RBFOX1: variants seen among roughly 807,000 people sequenced by gnomAD.
RBFOX1 encodes RNA binding protein fox-1 homolog 1.
A neutral mutation model predicts 57.7 loss-of-function variants in RBFOX1; 8 were observed. The observed-to-expected ratio is 0.14, with a 90% CI of 0.08 to 0.25. The LOEUF (loss-of-function observed/expected upper bound fraction) is 0.25, where lower values mean the gene tolerates loss of function less well. RBFOX1 is among the 10% of genes least tolerant of loss of function. The pLI, the probability that RBFOX1 is intolerant of heterozygous loss-of-function variation, is 1.00. For synonymous variants in RBFOX1, 326 were observed against 222.4 expected (o/e 1.47, Z -4.15); for missense variants, 611 against 548.5 (o/e 1.11, Z -1.14).
At chr16:6,690,311 G>A (rs2060021803) in intron 3 of RBFOX1, among the ~76,000 whole-genome samples, 1 of 152,074 alleles carries the variant, frequency 6.6e-6, no homozygotes, top group Non-Finnish European at 1.5e-5. Context: ...GTTTTTAAGT[G>A]TGCTTAGAGT....
chr16:5,430,994 A>G (rs1272024860), intron 1 of RBFOX1, among the ~76,000 whole-genome samples: 2 of 152,198 alleles, frequency 1.3e-5, no homozygotes, highest in African/African-American at 4.8e-5. Context: ...ATCTACTGCT[A>G]ATGGATATTG....
intron 1 of RBFOX1, among the ~76,000 whole-genome samples, chr16:6,027,845 G>A (rs564444462): frequency 2.0e-4 from 30 of 152,318 alleles, no homozygotes; most frequent in African/African-American, 5.5e-4. Context: ...AGAACCCAGC[G>A]TAGCTGCAAA....
At chr16:5,820,925 C>T (rs1469020544) in intron 3 of RBFOX1, among the ~76,000 whole-genome samples, 6 of 152,144 alleles carry the variant, frequency 3.9e-5, no homozygotes, top group South Asian at 4.1e-4. Context: ...CAATGCCACA[C>T]GTTTAAGGGG....
intron 1 of RBFOX1, among the ~76,000 whole-genome samples, chr16:6,136,176 G>A (rs1171352352): frequency 6.6e-6 from 1 of 152,110 alleles, no homozygotes; most frequent in African/African-American, 2.4e-5. Flanking sequence ...ATTAGAGGAA[G>A]TCTTCTGAAA....
intron 3 of RBFOX1, among the ~76,000 whole-genome samples, chr16:6,669,748 G>T (rs2098752623): frequency 6.6e-6 from 1 of 152,080 alleles, no homozygotes; most frequent in African/African-American, 2.4e-5. Flanking sequence ...TGCTTTGGAG[G>T]ACAGAACCTT....
intron 4 of RBFOX1, among the ~76,000 whole-genome samples, chr16:7,354,334 G>C (rs1424415087): frequency 6.6e-6 from 1 of 152,128 alleles, no homozygotes. Context: ...AAAATATGTT[G>C]AAAACAAAGC....
At chr16:7,135,045 TAAAAC>T (rs972410149) in intron 4 of RBFOX1, among the ~76,000 whole-genome samples, 2 of 151,906 alleles carry the variant, frequency 1.3e-5, no homozygotes, top group African/African-American at 2.4e-5. Flanking sequence ...AAAAATAAAA[TAAAAC>T]AAAATAAAGA....
intron 1 of RBFOX1, among the ~76,000 whole-genome samples, chr16:5,311,299 G>C (rs1041992424): frequency 1.3e-5 from 2 of 152,022 alleles, no homozygotes; most frequent in Admixed American, 6.5e-5. Context: ...TTTTCACTCA[G>C]TGGTCAATGG....
chr16:7,684,420 C>A (rs2075606985), intron 14 of RBFOX1, among the ~76,000 whole-genome samples: 1 of 151,930 alleles, frequency 6.6e-6, no homozygotes. Context: ...TTTTTCCAAG[C>A]TAATTATTGA....
Position 6,019,703 on chromosome 16 carries a change from A to G in RBFOX1, c.-416A>G, listed in dbSNP as rs2095029999. 1.5e-6 allele frequency: 2 copies of G among 1,345,430 alleles called. No individual in the cohort carries two copies. Among genetic ancestry groups the G allele is most frequent in the Non-Finnish European group, 1.9e-6 (2 of 1,048,344 alleles). 83.3% of individuals were successfully genotyped at this position (1,345,430 alleles called of 1,614,324 possible). A position where few individuals can be genotyped will look rare whatever the true frequency, so the allele number is the denominator to read the frequency against. ...AGAACTCCGAGCTTCTTGCCCAGGC[A>G]GAGAGAGCAGGAGCGGACCGCGCGC... On this transcript the variant is annotated 5_prime_UTR_variant, in exon 1 of 16. Coordinates refer to ENST00000550418, the MANE Select transcript of RBFOX1 (RefSeq NM_018723.4). The surrounding 1 kb of genome is among the most constrained non-coding windows in gnomAD (Gnocchi z 4.2).
chr16:7,690,896 A>G (rs1389124240), intron 14 of RBFOX1, among the ~76,000 whole-genome samples: 1 of 152,136 alleles, frequency 6.6e-6, no homozygotes, highest in Non-Finnish European at 1.5e-5. Flanking sequence ...GAACTGTACC[A>G]GAATTCTTCT....
At position 6,533,562 on chromosome 16, in the gene RBFOX1, T is replaced by C. The variant is rs531207629; in HGVS notation, c.-63-121041T>C. ...CTAGCCCCTTAAGACCCAAGACATA[T>C]GGTAACATACAGAGTCAAGTGATTT... On this transcript the variant is annotated intron_variant, in intron 2 of 15. Coordinates refer to ENST00000550418, the MANE Select transcript of RBFOX1 (RefSeq NM_018723.4). Among the ~76,000 whole-genome samples, 5 of 152,032 alleles carry C rather than the reference T, an allele frequency of 3.3e-5. No individual in the cohort carries two copies. The East Asian group carries it at 5.8e-4, about 18-fold the overall frequency.
chr16:5,836,493 T>C (rs1359674924), intron 3 of RBFOX1, among the ~76,000 whole-genome samples: 1 of 152,182 alleles, frequency 6.6e-6, no homozygotes, highest in Non-Finnish European at 1.5e-5. Flanking sequence ...ACCCACCTTC[T>C]TCTTTAGGAG....
intron 2 of RBFOX1, among the ~76,000 whole-genome samples, chr16:6,653,788 G>A (rs1484898118): frequency 1.3e-5 from 2 of 151,762 alleles, no homozygotes; most frequent in Non-Finnish European, 2.9e-5. Context: ...ATAGGTGGGT[G>A]GATGGATGGA....
intron 2 of RBFOX1, among the ~76,000 whole-genome samples, chr16:5,515,967 A>AAATCAGAG (rs2043777267): frequency 6.6e-6 from 1 of 152,230 alleles, no homozygotes; most frequent in Non-Finnish European, 1.5e-5. Context: ...TAGTGCCACC[A>AAATCAGAG]AATCAGAGAG....
intron 4 of RBFOX1, among the ~76,000 whole-genome samples, chr16:7,169,176 A>T (rs965801912): frequency 6.6e-6 from 1 of 152,254 alleles, no homozygotes; most frequent in African/African-American, 2.4e-5. Context: ...GACAATATTC[A>T]TGGCCATAGT....
At chr16:5,905,627 C>T (rs990833708) in intron 4 of RBFOX1, among the ~76,000 whole-genome samples, 1 of 152,056 alleles carries the variant, frequency 6.6e-6, no homozygotes, top group Non-Finnish European at 1.5e-5. Flanking sequence ...CCTAGGAGGT[C>T]AAGGCTGCAG....
chr16:5,624,991 C>T (rs1044163010), intron 3 of RBFOX1, among the ~76,000 whole-genome samples: 6 of 152,182 alleles, frequency 3.9e-5, no homozygotes, highest in East Asian at 1.9e-4. Flanking sequence ...GGGTGACTCT[C>T]GGGCCAGAGA....
chr16:7,006,952 G>T (rs1375741962), intron 3 of RBFOX1, among the ~76,000 whole-genome samples: 2 of 152,060 alleles, frequency 1.3e-5, no homozygotes, highest in African/African-American at 4.8e-5. Flanking sequence ...CGTAGTCTTA[G>T]TTTTCTACCA....
Sources: gnomAD v4.1 joint callset for allele counts (sites outside exome capture counted in the v4.1 genomes callset) on GRCh38, gnomAD v4.1.1 for gene constraint, Gnocchi (gnomAD v3.1) non-coding constraint, MANE v1.5 for transcripts, NCBI Gene and HGNC (gene_info 2026-07-23, HGNC 2026-07-21) for gene names.